Variants in NTRK2 observed in about 807,000 individuals in gnomAD.
The protein encoded by NTRK2 is BDNF/NT-3 growth factors receptor.
NTRK2 carries 13 observed loss-of-function variants against 94.5 expected under a neutral mutation model. The observed-to-expected ratio is 0.14, with a 90% CI of 0.09 to 0.22. The LOEUF is 0.22. Ranked by LOEUF, NTRK2 falls within the 10% of genes least tolerant of loss-of-function variation. The pLI, the probability that NTRK2 is intolerant of heterozygous loss-of-function variation, is 1.00. For missense variants in NTRK2, 639 were observed against 1,071.2 expected (o/e 0.60, Z 5.63); for synonymous variants, 372 against 407.4 (o/e 0.91, Z 1.05).
At chr9:84,897,261 C>T (rs144411739) in intron 14 of NTRK2, among the ~76,000 whole-genome samples, 2,245 of 152,240 alleles carry the variant, frequency 0.015, 27 homozygotes, top group Non-Finnish European at 0.025. Context: ...CTCAGCCTCC[C>T]GAGTAGCTGG....
chr9:84,998,820 T>C (rs921866837), intron 17 of NTRK2, among the ~76,000 whole-genome samples: 1 of 152,218 alleles, frequency 6.6e-6, no homozygotes, highest in African/African-American at 2.4e-5. Context: ...TTACACATGA[T>C]ACAGTGTCAC....
intron 2 of NTRK2, among the ~76,000 whole-genome samples, chr9:84,699,401 T>G (rs1205196406): frequency 1.3e-5 from 2 of 152,288 alleles, no homozygotes; most frequent in East Asian, 3.9e-4. Context: ...AAAATGTATT[T>G]ATTTATCCAG....
At chr9:84,905,943 C>T (rs772202659) in intron 14 of NTRK2, among the ~76,000 whole-genome samples, 7 of 152,076 alleles carry the variant, frequency 4.6e-5, no homozygotes, top group African/African-American at 1.2e-4. Flanking sequence ...CATGAGTAAA[C>T]GGTGAGAGAA....
At position 85,021,345 on chromosome 9, in the gene NTRK2, G is replaced by C. The variant is rs2118010875; in HGVS notation, c.2425G>C (p.Glu809Gln). 6.2e-7 allele frequency: 1 copy of C among 1,614,204 alleles called. No individual in the cohort carries two copies. Among genetic ancestry groups the C allele is most frequent in the Non-Finnish European group, 8.5e-7 (1 of 1,180,030 alleles). Residue 809 changes from glutamate (E) to glutamine (Q), a missense_variant, in exon 19 of 19, where the codon GAG (glutamate) becomes CAG (glutamine). By Grantham distance (29) the Glu-to-Gln change is conservative (BLOSUM62 2). Coordinates refer to ENST00000277120, the MANE Select transcript of NTRK2 (RefSeq NM_006180.6). The stretch of plus-strand genomic sequence containing the variant: ...GCTGATGCTGGGGTGCTGGCAGCGA[G>C]AGCCCCACATGAGGAAGAACATCAA... ...YELMLGCWQR[E>Q]PHMRKNIKGI... is the part of the protein sequence containing the mutation.
chr9:84,939,673 T>C (rs2078337124), intron 15 of NTRK2, among the ~76,000 whole-genome samples: 1 of 152,168 alleles, frequency 6.6e-6, no homozygotes. Flanking sequence ...TCAGCTTTTA[T>C]AAAAAGAACA....
chr9:84,757,092 A>G (rs1398920825), intron 12 of NTRK2, among the ~76,000 whole-genome samples: 1 of 152,234 alleles, frequency 6.6e-6, no homozygotes, highest in African/African-American at 2.4e-5. Context: ...ACCAAAAGCC[A>G]GAAACACAGT....
intron 15 of NTRK2, among the ~76,000 whole-genome samples, chr9:84,947,862 G>A (rs1257097979): frequency 6.6e-6 from 1 of 152,190 alleles, no homozygotes; most frequent in Non-Finnish European, 1.5e-5. Context: ...AGAACTAAAG[G>A]CACCAAAACC....
chr9:85,013,027 C>T (rs1831801600), intron 17 of NTRK2, among the ~76,000 whole-genome samples: 1 of 152,156 alleles, frequency 6.6e-6, no homozygotes, highest in Non-Finnish European at 1.5e-5. Flanking sequence ...AACAGCAGTT[C>T]CAGGAGTGGC....
chr9:84,700,446 G>A (rs1479381967), intron 2 of NTRK2, among the ~76,000 whole-genome samples: 1 of 152,140 alleles, frequency 6.6e-6, no homozygotes, highest in African/African-American at 2.4e-5. Context: ...TATTAAGTGT[G>A]CCAGGCCCTG....
At chr9:84,756,491 G>A (rs2065097302) in intron 12 of NTRK2, among the ~76,000 whole-genome samples, 1 of 152,210 alleles carries the variant, frequency 6.6e-6, no homozygotes, top group South Asian at 2.1e-4. Flanking sequence ...CCAGCAGGGA[G>A]GAGGGAGCTT....
intron 17 of NTRK2, among the ~76,000 whole-genome samples, chr9:85,002,056 T>G (rs2133414293): frequency 6.6e-6 from 1 of 152,312 alleles, no homozygotes; most frequent in East Asian, 1.9e-4. Flanking sequence ...ACAGGAAATC[T>G]CCCTGCTAAT....
chr9:84,891,176 C>T (rs906347645), intron 14 of NTRK2, among the ~76,000 whole-genome samples: 10 of 151,968 alleles, frequency 6.6e-5, no homozygotes, highest in African/African-American at 2.2e-4. Flanking sequence ...GCCAAGGGCC[C>T]CAGTTCTCAT....
chr9:84,986,691 G>A (rs1828354921), intron 17 of NTRK2, among the ~76,000 whole-genome samples: 2 of 146,260 alleles, frequency 1.4e-5, no homozygotes, highest in South Asian at 4.3e-4. Flanking sequence ...TGACAGACTT[G>A]TTTCCTTTAG....
At chr9:84,944,865 A>T (rs543595740) in intron 15 of NTRK2, among the ~76,000 whole-genome samples, 1 of 152,252 alleles carries the variant, frequency 6.6e-6, no homozygotes, top group Non-Finnish European at 1.5e-5. Flanking sequence ...TACCAAGGAA[A>T]ACATCCCAAC....
intron 14 of NTRK2, among the ~76,000 whole-genome samples, chr9:84,896,141 C>T (rs908868029): frequency 7.2e-5 from 11 of 152,154 alleles, no homozygotes; most frequent in Admixed American, 7.2e-4. Context: ...TTGGTTAATG[C>T]ACGTGGCTCC....
At chr9:84,678,396 G>A (rs935152986) in intron 2 of NTRK2, among the ~76,000 whole-genome samples, 1 of 152,148 alleles carries the variant, frequency 6.6e-6, no homozygotes, top group African/African-American at 2.4e-5. Context: ...AAAATTGAAA[G>A]GTATCGGAAT....
At chr9:84,726,940 G>A (rs1490325925) in intron 8 of NTRK2, among the ~76,000 whole-genome samples, 2 of 152,142 alleles carry the variant, frequency 1.3e-5, no homozygotes, top group African/African-American at 2.4e-5. Flanking sequence ...TATATCTAAA[G>A]TTGAAATAAT....
chr9:84,687,572 C>T (rs556724191), intron 2 of NTRK2, among the ~76,000 whole-genome samples: 1 of 152,158 alleles, frequency 6.6e-6, no homozygotes, highest in Non-Finnish European at 1.5e-5. Flanking sequence ...CATTACCATC[C>T]TTTGATTGCA....
rs1251319962 is a variant in NTRK2 at position 84,881,701 on chromosome 9, C to A, written c.1633+14270C>A. Among the ~76,000 whole-genome samples, 5 of 152,182 alleles carry A rather than the reference C, an allele frequency of 3.3e-5. No individual in the cohort carries two copies. In the South Asian group the frequency reaches 8.3e-4, roughly 25 times the overall value. On this transcript the variant is annotated intron_variant, in intron 14 of 18. Coordinates refer to ENST00000277120, the MANE Select transcript of NTRK2 (RefSeq NM_006180.6). Reference sequence around the variant, plus strand: ...TATTTGCCTATGATTCTGGTAGGAGCAAAAGGTTGGTTATCTTTCCTTTTG... The same window carrying A: ...TATTTGCCTATGATTCTGGTAGGAGAAAAAGGTTGGTTATCTTTCCTTTTG...
Sources: gnomAD v4.1 joint callset for allele counts (sites outside exome capture counted in the v4.1 genomes callset) on GRCh38, gnomAD v4.1.1 for gene constraint, MANE v1.5 for transcripts, NCBI Gene and HGNC (gene_info 2026-07-23, HGNC 2026-07-21) for gene names.